Variants in DSE observed in about 807,000 individuals in gnomAD.
DSE encodes the protein dermatan sulfate epimerase, also known as dermatan-sulfate epimerase.
A neutral mutation model predicts 84.4 loss-of-function variants in DSE; 36 were observed. That is an observed-to-expected ratio of 0.43 (90% CI 0.33 to 0.56). DSE has a LOEUF of 0.56. Among genes scored for constraint, DSE ranks in the 20% least tolerant of loss-of-function variants. The probability of loss-of-function intolerance (pLI) is 0.06; values close to 1 mark genes in which losing one functional copy is unlikely to be tolerated. For missense variants in DSE, 862 were observed against 1,169.6 expected, an observed-to-expected ratio of 0.74 and a Z score of 3.84; for synonymous variants, 410 against 430.1, an observed-to-expected ratio of 0.95 and a Z score of 0.58.
intron 2 of DSE, among the ~76,000 whole-genome samples, chr6:116,268,137 T>C (rs1242532940): frequency 6.6e-6 from 1 of 152,228 alleles, no homozygotes; most frequent in Non-Finnish European, 1.5e-5. Context: ...ACAGGCTCCA[T>C]TAATGGTAAG....
chr6:116,368,331 G>A (rs1779283180), upstream of DSE, among the ~76,000 whole-genome samples: 1 of 152,200 alleles, frequency 6.6e-6, no homozygotes, highest in African/African-American at 2.4e-5. Context: ...AGTGTCGGTT[G>A]GCAGAGGAAG....
chr6:116,279,829 A>C, intron 2 of DSE: 1 of 1,613,036 alleles, frequency 6.2e-7, no homozygotes, highest in Non-Finnish European at 8.5e-7. Flanking sequence ...CAGGCCGCTC[A>C]TGTTGCTAAC....
intron 2 of DSE, among the ~76,000 whole-genome samples, chr6:116,421,685 T>C (rs1180929797): frequency 6.6e-6 from 1 of 151,786 alleles, no homozygotes; most frequent in Non-Finnish European, 1.5e-5. Context: ...TATGTGGAAC[T>C]CCTGGGCTCA....
intron 2 of DSE, among the ~76,000 whole-genome samples, chr6:116,340,701 A>G (rs1459298282): frequency 1.4e-5 from 2 of 147,912 alleles, no homozygotes; most frequent in East Asian, 4.0e-4. Flanking sequence ...AAGGGTTCTC[A>G]TTGTTCAATT....
At chr6:116,385,302 A>G (rs1780513033) in intron 1 of DSE, among the ~76,000 whole-genome samples, 1 of 152,212 alleles carries the variant, frequency 6.6e-6, no homozygotes, top group African/African-American at 2.4e-5. Flanking sequence ...GAGTGGTGAC[A>G]TACTCTGAAT....
chr6:116,328,960 C>T (rs1413799983), intron 2 of DSE, among the ~76,000 whole-genome samples: 2 of 152,158 alleles, frequency 1.3e-5, no homozygotes, highest in African/African-American at 4.8e-5. Context: ...GCCAGTTCTG[C>T]TTACTACGCC....
intron 5 of DSE, among the ~76,000 whole-genome samples, chr6:116,433,773 G>A (rs901820803): frequency 6.6e-6 from 1 of 151,870 alleles, no homozygotes; most frequent in African/African-American, 2.4e-5. Context: ...TAGATACAGG[G>A]GTACATGTGC....
At chr6:116,325,528 T>A (rs1339045952) in intron 2 of DSE, among the ~76,000 whole-genome samples, 1 of 152,188 alleles carries the variant, frequency 6.6e-6, no homozygotes, top group Admixed American at 6.5e-5. Flanking sequence ...ATCATTTTTT[T>A]AATAAAACCT....
At chr6:116,416,099 G>A (rs1782687356) in intron 2 of DSE, among the ~76,000 whole-genome samples, 1 of 152,156 alleles carries the variant, frequency 6.6e-6, no homozygotes, top group African/African-American at 2.4e-5. Context: ...TTCAAAGCTA[G>A]CAACCTTGCA....
At chr6:116,361,967 G>A (rs989475770) in intron 2 of DSE, among the ~76,000 whole-genome samples, 5 of 152,056 alleles carry the variant, frequency 3.3e-5, no homozygotes, top group African/African-American at 1.2e-4. Context: ...ACTATGTATT[G>A]TATTATATAC....
At chr6:116,299,551 TACAC>T (rs754431712) in intron 2 of DSE, among the ~76,000 whole-genome samples, 1,099 of 53,432 alleles carry the variant, frequency 0.021, 62 homozygotes, top group African/African-American at 0.058. Context: ...TATATATATA[TACAC>T]ATACACACAC....
intron 2 of DSE, among the ~76,000 whole-genome samples, chr6:116,337,080 T>G (rs2114806802): frequency 6.6e-6 from 1 of 152,332 alleles, no homozygotes; most frequent in African/African-American, 2.4e-5. Flanking sequence ...TACATTTTAC[T>G]ATCATTATCC....
rs1562213203 is a variant in DSE, at chr6:116,299,504, T to TATATATA, written c.-54+40537_-54+40538insATATATA. On this transcript the variant is annotated intron_variant, in intron 2 of 3. Coordinates refer to the DSE transcript ENST00000430252. ...TCCTGAAAGGCTTCTTGAATTATTT[T>TATATATA]TATATATATATATATATATATATAT... Among the ~76,000 whole-genome samples the TATATATA allele has an allele frequency of 2.3e-3, 26 of 11,494 alleles. 1 individual carries two copies. Among genetic ancestry groups the TATATATA allele is most frequent in the Non-Finnish European group, 4.9e-3 (21 of 4,270 alleles). The allele number at this position is 11,494 out of a possible 152,430, so 7.5% of individuals were successfully genotyped here. A position where few individuals can be genotyped will look rare whatever the true frequency, so the allele number is the denominator to read the frequency against.
chr6:116,435,509 G>T (rs759293186), intron 5 of DSE, 78 bp from the exon 6 acceptor site: 6 of 1,413,464 alleles, frequency 4.2e-6, no homozygotes, highest in Non-Finnish European at 5.7e-6. Flanking sequence ...TTTGTGTGTC[G>T]CATCTTCCAC....
Position 116,429,455 on chromosome 6 carries a change from C to A in DSE, c.671-1499C>A, listed in dbSNP as rs1349096910. Among the ~76,000 whole-genome samples the A allele has an allele frequency of 3.3e-5, 5 of 152,190 alleles. No individual in the cohort carries two copies. The East Asian group carries it at 9.6e-4, about 29-fold the overall frequency. On this transcript the variant is annotated intron_variant, in intron 3 of 5. Coordinates refer to ENST00000644252, the MANE Select transcript of DSE (RefSeq NM_013352.4). Reference sequence around the variant, plus strand: ...AGGAGGCATTGGGCTTAATTTTATTCTCAAGGGTTGCGTGTTTTAAAGGAA... The same window carrying A: ...AGGAGGCATTGGGCTTAATTTTATTATCAAGGGTTGCGTGTTTTAAAGGAA...
chr6:116,329,849 G>A (rs1190424272), intron 2 of DSE, among the ~76,000 whole-genome samples: 1 of 152,186 alleles, frequency 6.6e-6, no homozygotes, highest in Non-Finnish European at 1.5e-5. Flanking sequence ...CTTTGAGATG[G>A]AGTCTTGCTC....
chr6:116,259,859 A>T (rs879116859), intron 2 of DSE, among the ~76,000 whole-genome samples: 1 of 152,184 alleles, frequency 6.6e-6, no homozygotes, highest in Non-Finnish European at 1.5e-5. Context: ...TGTGGTGTAT[A>T]TGTACCACAT....
At chr6:116,404,503 C>T (rs1469485836) in intron 2 of DSE, among the ~76,000 whole-genome samples, 1 of 152,218 alleles carries the variant, frequency 6.6e-6, no homozygotes, top group African/African-American at 2.4e-5. Flanking sequence ...GTCCTTGCAT[C>T]TTGGCTCTGC....
intron 2 of DSE, among the ~76,000 whole-genome samples, chr6:116,319,270 C>T (rs959057673): frequency 4.6e-5 from 7 of 152,198 alleles, no homozygotes; most frequent in African/African-American, 1.4e-4. Context: ...AACAAACCAA[C>T]CTTTAATGCT....
Sources: allele counts gnomAD v4.1 joint callset (sites outside exome capture counted in the v4.1 genomes callset), GRCh38; gene constraint gnomAD v4.1.1; transcripts MANE v1.5; gene names NCBI Gene and HGNC (gene_info 2026-07-23, HGNC 2026-07-21).